The following USP14 variants were observed in gnomAD, a reference collection of about 807,000 sequenced individuals.
The protein encoded by USP14 is ubiquitin specific peptidase 14.
A neutral mutation model predicts 76.5 loss-of-function variants in USP14; 38 were observed. The observed-to-expected ratio is 0.50, with a 90% CI of 0.38 to 0.65. The LOEUF is 0.65. Among genes scored for constraint, USP14 ranks in the 30% least tolerant of loss-of-function variants. USP14 has a pLI of 0.00. For synonymous variants in USP14, 192 were observed against 191.7 expected, an observed-to-expected ratio of 1.00 and a Z score of -0.01; for missense variants, 467 against 586.5, an observed-to-expected ratio of 0.80 and a Z score of 2.10.
At chr18:179,388 T>G (rs1909718487) in intron 4 of USP14, among the ~76,000 whole-genome samples, 1 of 152,112 alleles carries the variant, frequency 6.6e-6, no homozygotes, top group South Asian at 2.1e-4. Flanking sequence ...TACTATTTTA[T>G]GAGAAAACAG....
At chr18:189,564 C>T (rs1457969048) in intron 5 of USP14, among the ~76,000 whole-genome samples, 2 of 152,020 alleles carry the variant, frequency 1.3e-5, no homozygotes, top group African/African-American at 4.8e-5. Flanking sequence ...CTCACTGCAG[C>T]CTCCGCCTCC....
chr18:208,837 C>T (rs540062973), intron 13 of USP14, among the ~76,000 whole-genome samples: 30 of 152,266 alleles, frequency 2.0e-4, no homozygotes, highest in Admixed American at 5.2e-4. Context: ...CCTCTGCCTC[C>T]TGGGTTCAAG....
chr18:202,830 A>C, intron 10 of USP14, 50 bp from the exon 11 acceptor site: 2 of 1,590,030 alleles, frequency 1.3e-6, no homozygotes, highest in South Asian at 2.2e-5. Context: ...ATATTGCAGA[A>C]ATAAAATTTT....
chr18:203,305 G>C, intron 12 of USP14, 115 bp downstream of exon 12: 1 of 927,504 alleles, frequency 1.1e-6, no homozygotes, highest in East Asian at 2.6e-5. Context: ...GAAATATTTA[G>C]GGGAGCTAAT....
chr18:172,620 A>G (rs948645412), intron 3 of USP14, among the ~76,000 whole-genome samples: 2 of 152,126 alleles, frequency 1.3e-5, no homozygotes, highest in Admixed American at 1.3e-4. Context: ...GCCTTCAGGA[A>G]CCAGTGCCGT....
intron 3 of USP14, among the ~76,000 whole-genome samples, chr18:169,816 C>CTT (rs1909391528): frequency 6.6e-6 from 1 of 152,118 alleles, no homozygotes; most frequent in South Asian, 2.1e-4. Context: ...TTTCATTACT[C>CTT]TCATGTCAAG....
chr18:210,863 T>C (rs1910651147), intron 15 of USP14, among the ~76,000 whole-genome samples: 1 of 152,218 alleles, frequency 6.6e-6, no homozygotes, highest in Admixed American at 6.5e-5. Flanking sequence ...TCATACATTA[T>C]GTAGCCTCTG....
chr18:186,754 A>G (rs2143032714), intron 5 of USP14, among the ~76,000 whole-genome samples: 1 of 152,292 alleles, frequency 6.6e-6, no homozygotes, highest in Admixed American at 6.5e-5. Context: ...TGTGTCTCAA[A>G]AAAAAAAGAG....
At chr18:197,383 T>C (rs1910266197) in intron 7 of USP14, among the ~76,000 whole-genome samples, 1 of 152,248 alleles carries the variant, frequency 6.6e-6, no homozygotes, top group African/African-American at 2.4e-5. Flanking sequence ...TCACTGCTAT[T>C]ATGCTGAGTA....
intron 5 of USP14, among the ~76,000 whole-genome samples, chr18:189,914 C>T (rs1346919017): frequency 6.6e-6 from 1 of 152,150 alleles, no homozygotes; most frequent in Non-Finnish European, 1.5e-5. Context: ...CTCTAAAAAT[C>T]CCCTCACAGA....
At chr18:206,483 C>T (rs1403482255) in intron 13 of USP14, among the ~76,000 whole-genome samples, 1 of 152,166 alleles carries the variant, frequency 6.6e-6, no homozygotes, top group Non-Finnish European at 1.5e-5. Flanking sequence ...TTCTCCTAGT[C>T]TGTAGCTTAT....
At chr18:180,447 A>G (rs1909756196) in intron 5 of USP14, 108 bp downstream of exon 5, 1 of 686,852 alleles carries the variant, frequency 1.5e-6, no homozygotes, top group Non-Finnish European at 2.5e-6. Flanking sequence ...AATTTATTAT[A>G]CAATTCAGCA....
chr18:186,209 C>G (rs757171789), intron 5 of USP14, among the ~76,000 whole-genome samples: 1 of 152,116 alleles, frequency 6.6e-6, no homozygotes, highest in Non-Finnish European at 1.5e-5. Flanking sequence ...TGCCTGTGAT[C>G]CCAGTGCTTT....
intron 5 of USP14, among the ~76,000 whole-genome samples, chr18:182,758 G>A (rs2144238872): frequency 6.6e-6 from 1 of 152,322 alleles, no homozygotes; most frequent in Non-Finnish European, 1.5e-5. Context: ...ATCCCAGCCT[G>A]GATGAGAGGT....
At chr18:165,362 G>A (rs561937476) in intron 2 of USP14, among the ~76,000 whole-genome samples, 1 of 152,282 alleles carries the variant, frequency 6.6e-6, no homozygotes, top group South Asian at 2.1e-4. Context: ...CCCCCACTGG[G>A]CAGTAAAACA....
chr18:194,174 TTA>T (rs1193751126), intron 6 of USP14, among the ~76,000 whole-genome samples: 1 of 152,236 alleles, frequency 6.6e-6, no homozygotes, highest in East Asian at 1.9e-4. Flanking sequence ...ATTTTTGATA[TTA>T]TAAACAGGTT....
At chr18:179,893 G>A (rs1054909283) in intron 4 of USP14, among the ~76,000 whole-genome samples, 1 of 151,316 alleles carries the variant, frequency 6.6e-6, no homozygotes, top group Non-Finnish European at 1.5e-5. Context: ...GAGCCACTGT[G>A]CCCAACCTGT....
intron 3 of USP14, among the ~76,000 whole-genome samples, chr18:177,484 A>G (rs182954222): frequency 3.3e-5 from 5 of 152,044 alleles, no homozygotes; most frequent in Non-Finnish European, 4.4e-5. Context: ...CTGCTTTGCA[A>G]TGATCTTATA....
intron 2 of USP14, 58 bp downstream of exon 2, chr18:163,511 A>G: frequency 2.9e-5 from 45 of 1,537,520 alleles, no homozygotes; most frequent in Non-Finnish European, 3.9e-5. Context: ...TTTGAAAAAT[A>G]ACGCCAGAAA....
Sources: gnomAD v4.1 joint callset for allele counts (sites outside exome capture counted in the v4.1 genomes callset) on GRCh38, gnomAD v4.1.1 for gene constraint, MANE v1.5 for transcripts, NCBI Gene and HGNC (gene_info 2026-07-23, HGNC 2026-07-21) for gene names.